TUT4: variants seen among roughly 807,000 people sequenced by gnomAD.
TUT4 encodes the protein terminal uridylyl transferase 4, also known as terminal uridylyltransferase 4.
In TUT4, 36 loss-of-function variants were observed where a neutral mutation model predicts 192.2. That is an observed-to-expected ratio of 0.19 (90% CI 0.14 to 0.25). The LOEUF is 0.25. Ranked by LOEUF, TUT4 falls within the 10% of genes least tolerant of loss-of-function variation. TUT4 has a pLI of 1.00. For synonymous variants in TUT4, 618 were observed against 666.0 expected (o/e 0.93, Z 1.11); for missense variants, 1,493 against 1,957.2 (o/e 0.76, Z 4.47).
chr1:52,444,933 A>G (rs1438153836), intron 24 of TUT4, among the ~76,000 whole-genome samples: 2 of 122,124 alleles, frequency 1.6e-5, no homozygotes, highest in Admixed American at 7.3e-5. Context: ...GTGTATATAT[A>G]TGTATATACA....
chr1:52,526,915 C>T (rs1359079350), intron 1 of TUT4, among the ~76,000 whole-genome samples: 1 of 152,120 alleles, frequency 6.6e-6, no homozygotes, highest in Admixed American at 6.5e-5. Context: ...ATCCCAGTTA[C>T]TCAGGGGCTG....
At chr1:52,471,840 C>T in intron 14 of TUT4, 112 bp downstream of exon 14, 8 of 1,200,342 alleles carry the variant, frequency 6.7e-6, no homozygotes, top group Non-Finnish European at 9.1e-6. Flanking sequence ...GGTATCTATT[C>T]AAAAACCTCT....
chr1:52,551,608 G>C (rs1329544917), intron 1 of TUT4, among the ~76,000 whole-genome samples: 2 of 152,214 alleles, frequency 1.3e-5, no homozygotes, highest in Non-Finnish European at 2.9e-5. Context: ...TACCAGTTGT[G>C]ACTAATCAGT....
intron 2 of TUT4, among the ~76,000 whole-genome samples, chr1:52,523,388 T>G (rs990997704): frequency 6.6e-6 from 1 of 152,136 alleles, no homozygotes; most frequent in Non-Finnish European, 1.5e-5. Context: ...GGGGTATCAC[T>G]TGAGGCCAAG....
intron 1 of TUT4, among the ~76,000 whole-genome samples, chr1:52,547,191 A>C (rs1042018718): frequency 3.3e-5 from 5 of 149,682 alleles, no homozygotes; most frequent in Admixed American, 2.7e-4. Flanking sequence ...TATCCAGAAT[A>C]TATTGAGTTC....
chr1:52,428,063 C>T (rs1412672520), intron 28 of TUT4, among the ~76,000 whole-genome samples: 1 of 151,944 alleles, frequency 6.6e-6, no homozygotes, highest in Non-Finnish European at 1.5e-5. Flanking sequence ...TCTACAGTGC[C>T]TTATAGTTAA....
Position 52,446,451 on chromosome 1 carries a change from A to AT in TUT4, c.3514-10_3514-9insA, listed in dbSNP as rs764938655. ...GAAGGTAAACGCTTTTTCTACATAT[A>AT]AAAAAAAAAAGAAAAGAACAATGTC... On this transcript the variant is annotated splice_polypyrimidine_tract_variant and intron_variant, in intron 21 of 29. Transcript: ENST00000257177. The AT allele has an allele frequency of 4.9e-5, 37 of 756,698 alleles. No individual in the cohort carries two copies. The highest frequency in any genetic ancestry group is 1.1e-4 in the South Asian group (4 of 36,916). 46.9% of individuals were successfully genotyped at this position (756,698 alleles called of 1,614,324 possible). A position where few individuals can be genotyped will look rare whatever the true frequency, so the allele number is the denominator to read the frequency against.
At position 52,475,223 on chromosome 1, in the gene TUT4, T is replaced by C. The variant is rs1444718263; in HGVS notation, c.2336A>G (p.Asp779Gly). ...TTCATTTACCAACAAATTGTTGTTG[T>C]CAATAATACATCTCTGTGATGTACA... The part of the protein sequence containing the change: ...MDCTSQRCII[D>G]NNNLLVNELD... Residue 779 changes from aspartate (D) to glycine (G), a missense_variant, in exon 13 of 30, where the codon GAC (aspartate) becomes GGC (glycine). Transcript: ENST00000257177. 6 of 1,614,184 alleles carry C rather than the reference T, an allele frequency of 3.7e-6. No individual in the cohort carries two copies. Among genetic ancestry groups the C allele is most frequent in the Admixed American group, 1.7e-5 (1 of 60,024 alleles).
chr1:52,481,795 C>A lies in TUT4; in HGVS notation c.1635+9G>T. 6.4e-7 allele frequency: 1 copy of A among 1,574,612 alleles called. No homozygotes were observed. The highest frequency in any genetic ancestry group is 8.6e-7 in the Non-Finnish European group (1 of 1,168,310). ...TATATGCATATATATGTCACAAATT[C>A]ATGCTTACCCAACTTCCAAGTAAGC... is the stretch of plus-strand genomic sequence containing the variant. On this transcript the variant is annotated intron_variant, in intron 10 of 29. Transcript: ENST00000257177.
chr1:52,550,236 T>C (rs1446813754), intron 1 of TUT4, among the ~76,000 whole-genome samples: 2 of 152,198 alleles, frequency 1.3e-5, no homozygotes, highest in Non-Finnish European at 2.9e-5. Flanking sequence ...TAAACAACTC[T>C]AATTGCTCTA....
chr1:52,536,714 C>T (rs192914051), intron 1 of TUT4, among the ~76,000 whole-genome samples: 9 of 151,894 alleles, frequency 5.9e-5, no homozygotes, highest in Non-Finnish European at 8.8e-5. Flanking sequence ...AATAAGAGGG[C>T]GTGGTGGTGG....
At chr1:52,477,049 C>T (rs1044502866) in intron 12 of TUT4, among the ~76,000 whole-genome samples, 12 of 152,110 alleles carry the variant, frequency 7.9e-5, no homozygotes, top group Admixed American at 5.9e-4. Context: ...AGGTGAGGTA[C>T]TTTAAAAGAC....
Position 52,481,623 on chromosome 1 carries a change from C to A in TUT4, c.1648G>T (p.Asp550Tyr). The A allele has an allele frequency of 6.2e-7, 1 of 1,611,106 alleles. No individual in the cohort carries two copies. Among genetic ancestry groups the A allele is most frequent in the South Asian group, 1.1e-5 (1 of 90,850 alleles). Residue 550 changes from aspartate (D) to tyrosine (Y), a missense_variant, in exon 11 of 30, where the codon GAC becomes TAC. This residue lies in a region of TUT4 where 437 missense variants were observed against 577.6 expected (regional missense o/e 0.76). Transcript: ENST00000257177. ...CLLGSWIEGF[D>Y]PKRMDDFQLK... ...TGAAAGTCATCCATTCTTTTTGGGT[C>A]AAAGCCTTCAATCTATATAAAAAGG...
intron 1 of TUT4, among the ~76,000 whole-genome samples, chr1:52,537,258 C>A (rs888396984): frequency 1.3e-5 from 2 of 152,098 alleles, no homozygotes; most frequent in Admixed American, 1.3e-4. Flanking sequence ...ACTTTAGATA[C>A]AAAGAGCAAA....
intron 2 of TUT4, among the ~76,000 whole-genome samples, chr1:52,521,598 G>C (rs528916907): frequency 1.2e-4 from 18 of 152,234 alleles, no homozygotes; most frequent in African/African-American, 4.3e-4. Flanking sequence ...CCAGGAGGTA[G>C]AAGTTACAGT....
intron 1 of TUT4, among the ~76,000 whole-genome samples, chr1:52,531,230 T>A (rs898756601): frequency 6.6e-6 from 1 of 151,572 alleles, no homozygotes; most frequent in Non-Finnish European, 1.5e-5. Flanking sequence ...AAAAGTACTT[T>A]TTTTTTTTTT....
Position 52,440,365 on chromosome 1 carries a change from A to T in TUT4, c.3823-2030T>A, listed in dbSNP as rs72901800. On this transcript the variant is annotated intron_variant, in intron 24 of 29. Transcript: ENST00000257177. ...AGGCTGGTCTTGAACTCCTGGCCTC[A>T]AGCGATCTTCCTGCCCTGGCCTTCC... Among the ~76,000 whole-genome samples, 639 of 151,262 alleles carry T rather than the reference A, an allele frequency of 4.2e-3. 4 individuals carry two copies. The highest frequency in any genetic ancestry group is 0.015 in the African/African-American group (603 of 41,192).
chr1:52,471,039 C>T (rs1347497557), intron 14 of TUT4, among the ~76,000 whole-genome samples: 36 of 103,144 alleles, frequency 3.5e-4, no homozygotes, highest in Admixed American at 1.5e-3. Context: ...TTTTTTAAGA[C>T]GGAGTCTCAC....
At position 52,424,014 on chromosome 1, in the gene TUT4, AAC is replaced by A. The variant is rs1299551621; in HGVS notation, c.4871-14_4871-13del. 6.2e-7 allele frequency: 1 copy of A among 1,605,236 alleles called. No homozygotes were observed. The highest frequency in any genetic ancestry group is 8.5e-7 in the Non-Finnish European group (1 of 1,175,814). ...GGTGGCACATCTGTCTGTTGGATAC[AAC>A]ACAGACAGGAAACTGAAAGGCTTGT... is the stretch of plus-strand genomic sequence containing the variant. On this transcript the variant is annotated splice_polypyrimidine_tract_variant and intron_variant, in intron 29 of 29. Coordinates refer to ENST00000257177, the MANE Select transcript of TUT4 (RefSeq NM_001009881.3).
Sources: allele counts gnomAD v4.1 joint callset (sites outside exome capture counted in the v4.1 genomes callset), GRCh38; gene constraint gnomAD v4.1.1; regional missense constraint gnomAD v4.1.1; transcripts MANE v1.5; gene names NCBI Gene and HGNC (gene_info 2026-07-23, HGNC 2026-07-21).